PLEKHG1: variants seen among roughly 807,000 people sequenced by gnomAD.
PLEKHG1 encodes the protein pleckstrin homology domain-containing family G member 1.
A neutral mutation model predicts 100.8 loss-of-function variants in PLEKHG1; 44 were observed. The observed-to-expected ratio is 0.44, with a 90% CI of 0.34 to 0.56. PLEKHG1 has a LOEUF of 0.56. PLEKHG1 is among the 20% of genes least tolerant of loss of function. PLEKHG1 has a pLI of 0.01. For synonymous variants in PLEKHG1, 640 were observed against 662.5 expected (o/e 0.97, Z 0.52); for missense variants, 1,545 against 1,720.9 (o/e 0.90, Z 1.81).
At chr6:150,757,752 C>T (rs1201855601) in intron 2 of PLEKHG1, among the ~76,000 whole-genome samples, 1 of 152,114 alleles carries the variant, frequency 6.6e-6, no homozygotes, top group Non-Finnish European at 1.5e-5. Context: ...AGTTTTATTA[C>T]GTAGGTAAAC....
chr6:150,755,953 A>G (rs1449658791), intron 2 of PLEKHG1, among the ~76,000 whole-genome samples: 1 of 152,216 alleles, frequency 6.6e-6, no homozygotes, highest in Non-Finnish European at 1.5e-5. Context: ...ATTTACTACA[A>G]GAAAAAGCAG....
chr6:150,766,613 T>C (rs965550394), intron 2 of PLEKHG1, among the ~76,000 whole-genome samples: 1 of 152,262 alleles, frequency 6.6e-6, no homozygotes, highest in Non-Finnish European at 1.5e-5. Flanking sequence ...CAATAATTTC[T>C]GAAAACAAGC....
chr6:150,678,339 G>C (rs938114032), intron 3 of PLEKHG1, among the ~76,000 whole-genome samples: 2 of 151,786 alleles, frequency 1.3e-5, no homozygotes, highest in Admixed American at 1.3e-4. Flanking sequence ...TATTCCCAAT[G>C]AACACCTAAA....
At chr6:150,630,423 C>T (rs1777699375) in intron 1 of PLEKHG1, among the ~76,000 whole-genome samples, 1 of 152,090 alleles carries the variant, frequency 6.6e-6, no homozygotes, top group South Asian at 2.1e-4. Flanking sequence ...TGAGTGTCTG[C>T]TGAGAGTGCA....
At chr6:150,737,226 A>G (rs895213193) in intron 2 of PLEKHG1, among the ~76,000 whole-genome samples, 4 of 152,040 alleles carry the variant, frequency 2.6e-5, no homozygotes, top group Non-Finnish European at 5.9e-5. Flanking sequence ...TGAAAAGTAA[A>G]CAATTATTGT....
chr6:150,804,526 C>A, intron 6 of PLEKHG1, 84 bp from the exon 8 acceptor site: 1 of 1,108,420 alleles, frequency 9.0e-7, no homozygotes, highest in Non-Finnish European at 1.3e-6. Context: ...ATATAAGGAA[C>A]TAATCATAGC....
chr6:150,685,239 C>T (rs756841530), intron 3 of PLEKHG1, among the ~76,000 whole-genome samples: 6 of 152,142 alleles, frequency 3.9e-5, no homozygotes, highest in Non-Finnish European at 7.4e-5. Context: ...TCCCACAGGG[C>T]GTGGCCCCAG....
At chr6:150,742,294 G>A (rs564440871) in intron 2 of PLEKHG1, among the ~76,000 whole-genome samples, 4 of 152,258 alleles carry the variant, frequency 2.6e-5, no homozygotes, top group East Asian at 1.9e-4. Flanking sequence ...GTGGCCAGGT[G>A]CAGTGGCTCA....
chr6:150,774,302 A>G (rs750091587), intron 3 of PLEKHG1, among the ~76,000 whole-genome samples: 5 of 152,092 alleles, frequency 3.3e-5, no homozygotes, highest in South Asian at 2.1e-4. Context: ...GATGTTTGCT[A>G]TGGATTTAGA....
At chr6:150,836,317 G>A (rs1364879213) in intron 15 of PLEKHG1, among the ~76,000 whole-genome samples, 1 of 152,162 alleles carries the variant, frequency 6.6e-6, no homozygotes. Context: ...AGTGGAAGTT[G>A]CAGAGAGCCG....
At chr6:150,814,650 A>G (rs886724460) in intron 10 of PLEKHG1, among the ~76,000 whole-genome samples, 4 of 148,786 alleles carry the variant, frequency 2.7e-5, no homozygotes, top group African/African-American at 5.0e-5. Flanking sequence ...GGATTGGTCT[A>G]TCTGGCTCCA....
At chr6:150,782,850 T>C (rs908719088) in intron 3 of PLEKHG1, among the ~76,000 whole-genome samples, 4 of 152,174 alleles carry the variant, frequency 2.6e-5, no homozygotes, top group African/African-American at 9.7e-5. Context: ...TGATTGACGT[T>C]GTGGCTCATT....
chr6:150,825,479 G>A (rs1463955411), intron 14 of PLEKHG1, among the ~76,000 whole-genome samples: 1 of 152,134 alleles, frequency 6.6e-6, no homozygotes, highest in Non-Finnish European at 1.5e-5. Context: ...TACTTGGGAA[G>A]CTGAGGCTGG....
chr6:150,692,804 A>G (rs1780391422), intron 3 of PLEKHG1, among the ~76,000 whole-genome samples: 1 of 152,196 alleles, frequency 6.6e-6, no homozygotes, highest in South Asian at 2.1e-4. Context: ...AGTTTCTACT[A>G]AGTCAAACTG....
chr6:150,695,364 G>A (rs1026818015), intron 3 of PLEKHG1, among the ~76,000 whole-genome samples: 15 of 152,154 alleles, frequency 9.9e-5, no homozygotes, highest in African/African-American at 3.1e-4. Context: ...GCTTAATTTG[G>A]TTTTAATTTA....
chr6:150,811,647 AAAAGAG>A (rs888514214), intron 10 of PLEKHG1, among the ~76,000 whole-genome samples: 4 of 151,904 alleles, frequency 2.6e-5, no homozygotes, highest in African/African-American at 7.2e-5. Context: ...AAAAAAAAAA[AAAAGAG>A]AGAATGTATG....
chr6:150,764,817 C>A (rs75138936), intron 2 of PLEKHG1, among the ~76,000 whole-genome samples: 98 of 152,270 alleles, frequency 6.4e-4, no homozygotes, highest in African/African-American at 2.4e-3. Context: ...GGACCACTTC[C>A]GCCTTTCCTG....
At chr6:150,823,759 C>T (rs191400088) in intron 14 of PLEKHG1, 83 bp downstream of exon 15, 38 of 904,286 alleles carry the variant, frequency 4.2e-5, no homozygotes, top group Middle Eastern at 2.2e-4. Context: ...CTGTCATCTC[C>T]AGCCCGTATT....
chr6:150,776,907 A>G (rs1300780970), intron 3 of PLEKHG1, among the ~76,000 whole-genome samples: 5 of 148,032 alleles, frequency 3.4e-5, no homozygotes, highest in Admixed American at 6.7e-5. Context: ...CACTGATGCA[A>G]TCCTGGTGCA....
Sources: gnomAD v4.1 joint callset for allele counts (sites outside exome capture counted in the v4.1 genomes callset) on GRCh38, gnomAD v4.1.1 for gene constraint, MANE v1.5 for transcripts, NCBI Gene and HGNC (gene_info 2026-07-23, HGNC 2026-07-21) for gene names.